Variants in CSNK2A2IP observed in about 807,000 individuals in gnomAD.
CSNK2A2IP encodes the protein casein kinase 2 subunit alpha' interacting protein.
the CSNK2A2IP span, among the ~76,000 whole-genome samples, chr3:88,462,989 T>C: frequency 2.1e-4 from 32 of 152,346 alleles, 1 homozygote; most frequent in African/African-American, 7.7e-4. Flanking sequence ...ATTATGGTAC[T>C]AATAAGATAT....
At chr3:88,430,785 A>G in the CSNK2A2IP span, among the ~76,000 whole-genome samples, 44 of 152,240 alleles carry the variant, frequency 2.9e-4, no homozygotes, top group East Asian at 3.3e-3. Context: ...GGAAAAAAAA[A>G]CCTTACACAT....
chr3:88,364,290 G>A, the CSNK2A2IP span, among the ~76,000 whole-genome samples: 1 of 151,510 alleles, frequency 6.6e-6, no homozygotes, highest in Admixed American at 6.6e-5. Flanking sequence ...TTTTTTTGGA[G>A]GGCGTATTGC....
the CSNK2A2IP span, among the ~76,000 whole-genome samples, chr3:88,436,146 C>G: frequency 6.6e-6 from 1 of 151,892 alleles, no homozygotes; most frequent in Admixed American, 6.6e-5. Context: ...TTCAAATTAA[C>G]AAGGTGAAAT....
At chr3:88,432,465 G>T in the CSNK2A2IP span, among the ~76,000 whole-genome samples, 3 of 151,576 alleles carry the variant, frequency 2.0e-5, no homozygotes, top group Admixed American at 6.6e-5. Flanking sequence ...TTGTATACTG[G>T]TAATTTGCCA....
At chr3:88,390,354 C>G in the CSNK2A2IP span, among the ~76,000 whole-genome samples, 1 of 152,112 alleles carries the variant, frequency 6.6e-6, no homozygotes, top group Non-Finnish European at 1.5e-5. Flanking sequence ...AAAGCTCTAT[C>G]CAACCCAGGA....
the CSNK2A2IP span, among the ~76,000 whole-genome samples, chr3:88,448,907 TTC>T: frequency 1.3e-5 from 2 of 152,214 alleles, no homozygotes; most frequent in Non-Finnish European, 2.9e-5. Context: ...CATATATAAA[TTC>T]TGTTTATAAA....
chr3:88,412,054 T>A, the CSNK2A2IP span, among the ~76,000 whole-genome samples: 2 of 151,830 alleles, frequency 1.3e-5, no homozygotes, highest in Non-Finnish European at 2.9e-5. Flanking sequence ...GCCCTACATA[T>A]AAAAATAAAT....
the CSNK2A2IP span, among the ~76,000 whole-genome samples, chr3:88,380,994 C>A: frequency 2.6e-5 from 4 of 152,066 alleles, no homozygotes; most frequent in African/African-American, 9.7e-5. Flanking sequence ...AACAGGGTGC[C>A]AGTCAAATTG....
chr3:88,403,914 G>T, the CSNK2A2IP span, among the ~76,000 whole-genome samples: 1 of 152,002 alleles, frequency 6.6e-6, no homozygotes, highest in African/African-American at 2.4e-5. Context: ...AGGGCTGCTG[G>T]GTATGACACA....
chr3:88,455,239 G>A, the CSNK2A2IP span, among the ~76,000 whole-genome samples: 5 of 151,822 alleles, frequency 3.3e-5, no homozygotes, highest in Non-Finnish European at 7.4e-5. Flanking sequence ...ACCTAGAAGT[G>A]GAATTGCTTG....
At chr3:88,439,792 G>A in the CSNK2A2IP span, among the ~76,000 whole-genome samples, 2 of 150,862 alleles carry the variant, frequency 1.3e-5, no homozygotes, top group East Asian at 3.9e-4. Context: ...TAATTGCATA[G>A]GGATTAGGAT....
At chr3:88,387,708 T>C in the CSNK2A2IP span, among the ~76,000 whole-genome samples, 1 of 152,176 alleles carries the variant, frequency 6.6e-6, no homozygotes, top group African/African-American at 2.4e-5. Context: ...AAATAATATG[T>C]TTCCAGATAA....
At chr3:88,358,377 A>C in the CSNK2A2IP span, among the ~76,000 whole-genome samples, 1 of 152,200 alleles carries the variant, frequency 6.6e-6, no homozygotes, top group Non-Finnish European at 1.5e-5. Flanking sequence ...ATAGTGAATG[A>C]AAGTAATGAA....
chr3:88,356,466 A>G, the CSNK2A2IP span, among the ~76,000 whole-genome samples: 1 of 152,112 alleles, frequency 6.6e-6, no homozygotes, highest in South Asian at 2.1e-4. Context: ...TCCATGGTGT[A>G]TTTGTACCAC....
chr3:88,424,910 G>T, the CSNK2A2IP span, among the ~76,000 whole-genome samples: 1 of 151,402 alleles, frequency 6.6e-6, no homozygotes, highest in Admixed American at 6.6e-5. Flanking sequence ...GAATAATATT[G>T]ACAGCCTAAG....
chr3:88,432,910 T>A, the CSNK2A2IP span, among the ~76,000 whole-genome samples: 1 of 151,794 alleles, frequency 6.6e-6, no homozygotes, highest in Admixed American at 6.6e-5. Context: ...GAATAAGAGT[T>A]CTGGTTCACA....
the CSNK2A2IP span, among the ~76,000 whole-genome samples, chr3:88,381,220 T>C: frequency 9.1e-4 from 139 of 152,312 alleles, no homozygotes; most frequent in African/African-American, 3.1e-3. Flanking sequence ...CCAAAAAATG[T>C]GTTCCTTGAG....
At chr3:88,395,439 G>C in the CSNK2A2IP span, among the ~76,000 whole-genome samples, 1 of 152,142 alleles carries the variant, frequency 6.6e-6, no homozygotes, top group East Asian at 1.9e-4. Flanking sequence ...CTTTCATTTT[G>C]TTTAATGACC....
At chr3:88,367,606 T>G in the CSNK2A2IP span, among the ~76,000 whole-genome samples, 3 of 152,114 alleles carry the variant, frequency 2.0e-5, no homozygotes, top group Non-Finnish European at 4.4e-5. Context: ...AACTTGCCTT[T>G]AACTTTGTTG....
Sources: allele counts gnomAD v4.1 joint callset (sites outside exome capture counted in the v4.1 genomes callset), GRCh38; gene constraint gnomAD v4.1.1; transcripts MANE v1.5; gene names NCBI Gene and HGNC (gene_info 2026-07-23, HGNC 2026-07-21).